Variants in FBXO30 observed in about 807,000 individuals in gnomAD.
FBXO30 encodes F-box only protein 30.
Under a neutral mutation model 58.1 loss-of-function variants are expected in FBXO30, and 21 were observed. The ratio of observed to expected loss-of-function variants is 0.36; its 90% CI spans 0.26 to 0.52. The LOEUF (loss-of-function observed/expected upper bound fraction) is 0.52. FBXO30 is among the 20% of genes least tolerant of loss of function. The pLI, the probability that FBXO30 is intolerant of heterozygous loss-of-function variation, is 0.93. For synonymous variants in FBXO30, 309 were observed against 312.4 expected, an observed-to-expected ratio of 0.99 and a Z score of 0.11; for missense variants, 744 against 897.3, an observed-to-expected ratio of 0.83 and a Z score of 2.18.
Position 145,796,541 on chromosome 6 carries a change from G to A in FBXO30, c.*3565C>T, listed in dbSNP as rs1022264341. 1 of 151,892 alleles carries A rather than the reference G, an allele frequency of 6.6e-6. No homozygotes were observed. Among genetic ancestry groups the A allele is most frequent in the Non-Finnish European group, 1.5e-5 (1 of 67,878 alleles). The allele number at this position is 151,892 out of a possible 1,614,324, so 9.4% of individuals were successfully genotyped here. On this transcript the variant is annotated 3_prime_UTR_variant, in exon 3 of 3. Coordinates refer to ENST00000237281, the MANE Select transcript of FBXO30 (RefSeq NM_032145.5). ...ATCAAAAGTCTGTCCAGAGAATGAG[G>A]GCCAATTGCTTTCTCTCTACTGCAC...
rs1302929093 is a variant in FBXO30, at chr6:145,796,440, ATGAGCATCTTAAGTAAGAC to A, written c.*3647_*3665del. The A allele has an allele frequency of 6.6e-6, 1 of 151,970 alleles. No individual in the cohort carries two copies. 9.4% of individuals were successfully genotyped at this position (151,970 alleles called of 1,614,324 possible). A position where few individuals can be genotyped will look rare whatever the true frequency, so the allele number is the denominator to read the frequency against. ...TAATATTCTCTGCTTCCTAGACCTT[ATGAGCATCTTAAGTAAGAC>A]TACTTAACAGCAACGTTTAGATAAC... On this transcript the variant is annotated 3_prime_UTR_variant, in exon 3 of 3. Coordinates refer to ENST00000237281, the MANE Select transcript of FBXO30 (RefSeq NM_032145.5).
At position 145,796,560 on chromosome 6, in the gene FBXO30, A is replaced by T. The variant is rs1425841039; in HGVS notation, c.*3546T>A. 1 of 152,044 alleles carries T rather than the reference A, an allele frequency of 6.6e-6. No homozygotes were observed. The highest frequency in any genetic ancestry group is 1.5e-5 in the Non-Finnish European group (1 of 67,928). The allele number at this position is 152,044 out of a possible 1,614,324, so 9.4% of individuals were successfully genotyped here. A position where few individuals can be genotyped will look rare whatever the true frequency, so the allele number is the denominator to read the frequency against. ...AATGAGGGCCAATTGCTTTCTCTCT[A>T]CTGCACTTCTAAACAACCAACTCTG... On this transcript the variant is annotated 3_prime_UTR_variant, in exon 3 of 3. Coordinates refer to ENST00000237281, the MANE Select transcript of FBXO30 (RefSeq NM_032145.5).
chr6:145,809,054 C>T (rs562109587), intron 1 of FBXO30, among the ~76,000 whole-genome samples: 166 of 152,204 alleles, frequency 1.1e-3, no homozygotes, highest in African/African-American at 3.4e-3. Flanking sequence ...ATATATTCAA[C>T]GCCAAACCTA....
At position 145,799,189 on chromosome 6, in the gene FBXO30, T is replaced by G. The variant is rs1777925621; in HGVS notation, c.*917A>C. Reference sequence around the variant, plus strand: ...ACAAATTTCACGTTTTTAAATGTCTTAAAACAACATAGTTGTAATGTTTAT... The same window carrying G: ...ACAAATTTCACGTTTTTAAATGTCTGAAAACAACATAGTTGTAATGTTTAT... On this transcript the variant is annotated 3_prime_UTR_variant, in exon 3 of 3. Coordinates refer to ENST00000237281, the MANE Select transcript of FBXO30 (RefSeq NM_032145.5). The G allele has an allele frequency of 6.6e-6, 1 of 152,400 alleles. No homozygotes were observed. Among genetic ancestry groups the G allele is most frequent in the Non-Finnish European group, 1.5e-5 (1 of 67,938 alleles). 9.4% of individuals were successfully genotyped at this position (152,400 alleles called of 1,614,324 possible).
intron 2 of FBXO30, among the ~76,000 whole-genome samples, chr6:145,802,980 T>C (rs1003289859): frequency 2.6e-5 from 4 of 151,956 alleles, no homozygotes; most frequent in African/African-American, 7.3e-5. Flanking sequence ...CTGGAGTAGG[T>C]TGGATATGTT....
rs924874547 is a variant in FBXO30 at position 145,795,500 on chromosome 6, A to G, written c.*4606T>C. ...TGCCTTATGTTGTCAGTTCACTTCA[A>G]AAATGTTTTCTTCATAGTAAAAGAC... On this transcript the variant is annotated 3_prime_UTR_variant, in exon 3 of 3. Coordinates refer to ENST00000237281, the MANE Select transcript of FBXO30 (RefSeq NM_032145.5). The G allele has an allele frequency of 6.6e-6, 1 of 151,926 alleles. No homozygotes were observed. Among genetic ancestry groups the G allele is most frequent in the African/African-American group, 2.4e-5 (1 of 41,424 alleles). 9.4% of individuals were successfully genotyped at this position (151,926 alleles called of 1,614,324 possible). A position where few individuals can be genotyped will look rare whatever the true frequency, so the allele number is the denominator to read the frequency against.
In FBXO30 at chr6:145,800,191, G is replaced by T; in HGVS notation, c.2153C>A (p.Ala718Glu). The change falls in exon 3 of 3, where the codon GCA becomes GAA. Residue 718 changes from alanine to glutamate, a missense_variant. By Grantham distance (107) the Ala-to-Glu change is moderately radical. This residue lies in a region of FBXO30 where 334 missense variants were observed against 433.7 expected (regional missense o/e 0.77). Coordinates refer to ENST00000237281, the MANE Select transcript of FBXO30 (RefSeq NM_032145.5). ...CACACACATACATGGCAAAGGGATT[G>T]CTTCCTCCCGTTTCTCGACAACATT... ...SYNVVEKREE[A>E]IPLPCMCVTR... is the part of the protein sequence containing the mutation. The T allele has an allele frequency of 1.9e-6, 3 of 1,613,104 alleles. No individual in the cohort carries two copies. The highest frequency in any genetic ancestry group is 1.7e-6 in the Non-Finnish European group (2 of 1,179,318).
chr6:145,813,698 T>C (rs1298521957), intron 1 of FBXO30, among the ~76,000 whole-genome samples: 2 of 151,936 alleles, frequency 1.3e-5, no homozygotes, highest in African/African-American at 4.8e-5. Context: ...TAAAAGATTT[T>C]AAATTAATCT....
intron 1 of FBXO30, among the ~76,000 whole-genome samples, chr6:145,809,432 G>T (rs1195348568): frequency 1.3e-5 from 2 of 152,134 alleles, no homozygotes; most frequent in East Asian, 3.9e-4. Flanking sequence ...AAGTTTTAGG[G>T]ACACTTTATG....
In FBXO30 at chr6:145,800,058, G is replaced by T. The variant is rs778942836; in HGVS notation, c.*48C>A. The stretch of plus-strand genomic sequence containing the variant: ...TTAATAAAGTTTCACATATTACAAA[G>T]AAATTATACTAGGTGCTTGCATATA... On this transcript the variant is annotated 3_prime_UTR_variant, in exon 3 of 3. Transcript: ENST00000237281. 1.4e-6 allele frequency: 2 copies of T among 1,392,534 alleles called. No individual in the cohort carries two copies. The highest frequency in any genetic ancestry group is 1.2e-5 in the South Asian group (1 of 82,320). The allele number at this position is 1,392,534 out of a possible 1,614,324, so 86.3% of individuals were successfully genotyped here.
chr6:145,805,770 T>C lies in FBXO30; in HGVS notation c.636A>G (p.Thr212=). ...GTTCATCCATGTCATTTGGGACACTTGTATTTAACATGCCAATGTCTCTTG... is the reference window on the plus strand; with the variant it reads ...GTTCATCCATGTCATTTGGGACACTCGTATTTAACATGCCAATGTCTCTTG... The part of the protein sequence containing the change: ...TATRDIGMLN[T]SVPNDMDEQQ... Residue 212 remains threonine (T), a synonymous_variant, in exon 2 of 3, where the codon ACA becomes ACG. Transcript: ENST00000237281. 6.2e-7 allele frequency: 1 copy of C among 1,614,090 alleles called. No homozygotes were observed.
At position 145,794,124 on chromosome 6, in the gene FBXO30, T is replaced by A. The variant is rs967309936; in HGVS notation, c.*5982A>T. ...AACCCCATACCCATGAAGCAGTCACTCCCATTCCCCCAGCAACCATGAATC... is the reference window on the plus strand; with the variant it reads ...AACCCCATACCCATGAAGCAGTCACACCCATTCCCCCAGCAACCATGAATC... On this transcript the variant is annotated 3_prime_UTR_variant, in exon 3 of 3. Coordinates refer to ENST00000237281, the MANE Select transcript of FBXO30 (RefSeq NM_032145.5). 1 of 152,072 alleles carries A rather than the reference T, an allele frequency of 6.6e-6. No homozygotes were observed. Among genetic ancestry groups the A allele is most frequent in the East Asian group, 1.9e-4 (1 of 5,186 alleles). 9.4% of individuals were successfully genotyped at this position (152,072 alleles called of 1,614,324 possible). A position where few individuals can be genotyped will look rare whatever the true frequency, so the allele number is the denominator to read the frequency against.
At chr6:145,814,564 G>T (rs1778445508) in intron 1 of FBXO30, 39 bp downstream of exon 1, 1 of 151,716 alleles carries the variant, frequency 6.6e-6, no homozygotes, top group South Asian at 2.1e-4. Context: ...CCGCAGCGCG[G>T]ACGGCGCCGG....
At chr6:145,802,013 A>G (rs1396198466) in intron 2 of FBXO30, among the ~76,000 whole-genome samples, 1 of 151,874 alleles carries the variant, frequency 6.6e-6, no homozygotes, top group Non-Finnish European at 1.5e-5. Context: ...TATGCATCAA[A>G]TATTTACTCA....
At chr6:145,801,989 A>T (rs1356050546) in intron 2 of FBXO30, among the ~76,000 whole-genome samples, 2 of 152,140 alleles carry the variant, frequency 1.3e-5, no homozygotes, top group African/African-American at 4.8e-5. Flanking sequence ...TAATGGATCC[A>T]TCTTTCACTC....
In FBXO30 at chr6:145,804,862, T is replaced by A; in HGVS notation, c.1544A>T (p.Gln515Leu). ...LECVARYQPK[Q>L]RSMFTFVCGQ... ...ACACACAAAGGTAAACATTGAACGCTGCTTGGGTTGGTACCTAGCGACACA... is the reference window on the plus strand; with the variant it reads ...ACACACAAAGGTAAACATTGAACGCAGCTTGGGTTGGTACCTAGCGACACA... Residue 515 changes from glutamine (Q) to leucine (L), a missense_variant, in exon 2 of 3, where the codon CAG becomes CTG. Around this residue, in one of 3 missense-constraint regions of FBXO30, gnomAD observed 334 missense variants for 433.7 expected, o/e 0.77. Coordinates refer to ENST00000237281, the MANE Select transcript of FBXO30 (RefSeq NM_032145.5). 6.2e-7 allele frequency: 1 copy of A among 1,613,932 alleles called. No homozygotes were observed. Among genetic ancestry groups the A allele is most frequent in the Non-Finnish European group, 8.5e-7 (1 of 1,179,906 alleles).
In FBXO30 at chr6:145,794,356, G is replaced by A. The variant is rs558084466; in HGVS notation, c.*5750C>T. The A allele has an allele frequency of 6.6e-6, 1 of 152,004 alleles. No homozygotes were observed. Among genetic ancestry groups the A allele is most frequent in the East Asian group, 1.9e-4 (1 of 5,184 alleles). The allele number at this position is 152,004 out of a possible 1,614,324, so 9.4% of individuals were successfully genotyped here. A position where few individuals can be genotyped will look rare whatever the true frequency, so the allele number is the denominator to read the frequency against. On this transcript the variant is annotated 3_prime_UTR_variant, in exon 3 of 3. Coordinates refer to ENST00000237281, the MANE Select transcript of FBXO30 (RefSeq NM_032145.5). ...TCTTAGGTAAGCCAATCGGCGCAATGACCTTTCAGAATGCAGTTAAAGTTT... is the reference window on the plus strand; with the variant it reads ...TCTTAGGTAAGCCAATCGGCGCAATAACCTTTCAGAATGCAGTTAAAGTTT...
rs1382553419 is a variant in FBXO30 at position 145,805,952 on chromosome 6, G to A, written c.454C>T (p.Pro152Ser). The change falls in exon 2 of 3, where the codon CCT (proline) becomes TCT (serine). Residue 152 changes from proline to serine, a missense_variant. Pro to Ser is a moderately conservative substitution (Grantham distance 74). Coordinates refer to ENST00000237281, the MANE Select transcript of FBXO30 (RefSeq NM_032145.5). The part of the protein sequence containing the change: ...MSKATDKVSK[P>S]REQISVKSSV... ...GATTTAACTGAGATTTGTTCTCTAG[G>A]TTTGGATACTTTATCAGTTGCTTTT... 3.7e-6 allele frequency: 6 copies of A among 1,614,020 alleles called. No individual in the cohort carries two copies. The Admixed American group carries it at 5.0e-5, about 13-fold the overall frequency.
At chr6:145,810,265 C>T (rs1190797046) in intron 1 of FBXO30, among the ~76,000 whole-genome samples, 1 of 116,320 alleles carries the variant, frequency 8.6e-6, no homozygotes, top group Non-Finnish European at 1.8e-5. Context: ...ATATAGTAGT[C>T]AATACTCAAG....
Sources: allele counts gnomAD v4.1 joint callset (sites outside exome capture counted in the v4.1 genomes callset), GRCh38; gene constraint gnomAD v4.1.1; regional missense constraint gnomAD v4.1.1; transcripts MANE v1.5; gene names NCBI Gene and HGNC (gene_info 2026-07-23, HGNC 2026-07-21).